The following EYS variants were observed in gnomAD, a reference collection of about 807,000 sequenced individuals.
The protein encoded by EYS is protein eyes shut homolog.
EYS carries 250 observed loss-of-function variants against 282.1 expected under a neutral mutation model. The observed-to-expected ratio is 0.89, with a 90% CI of 0.80 to 0.98. EYS has a LOEUF of 0.98. Ranked by LOEUF, EYS falls within the 50% of genes least tolerant of loss-of-function variation. EYS has a pLI of 0.00. For synonymous variants in EYS, 1,355 were observed against 1,282.9 expected (o/e 1.06, Z -1.20); for missense variants, 4,016 against 3,709.0 (o/e 1.08, Z -2.15).
intron 6 of EYS, among the ~76,000 whole-genome samples, chr6:65,404,030 A>C (rs537329148): frequency 6.6e-6 from 1 of 152,130 alleles, no homozygotes; most frequent in African/African-American, 2.4e-5. Flanking sequence ...TCCAGAGGTC[A>C]TAAGTCTGAA....
intron 22 of EYS, among the ~76,000 whole-genome samples, chr6:64,800,812 C>T (rs1400104811): frequency 6.6e-6 from 1 of 151,550 alleles, no homozygotes; most frequent in Non-Finnish European, 1.5e-5. Context: ...TGAAGTGTAG[C>T]TAAAATTTGA....
intron 11 of EYS, among the ~76,000 whole-genome samples, chr6:65,318,727 C>T (rs1433265546): frequency 2.5e-4 from 38 of 150,442 alleles, no homozygotes; most frequent in African/African-American, 9.0e-4. Flanking sequence ...TTGCAGCCTC[C>T]GCCTCCTGGG....
chr6:65,077,274 A>C (rs1774083922), intron 12 of EYS, among the ~76,000 whole-genome samples: 1 of 152,088 alleles, frequency 6.6e-6, no homozygotes, highest in Non-Finnish European at 1.5e-5. Flanking sequence ...CATGAGGTAC[A>C]TGTTTTTACT....
chr6:65,519,700 A>AT (rs1767278409), intron 2 of EYS, among the ~76,000 whole-genome samples: 1 of 36,448 alleles, frequency 2.7e-5, no homozygotes, highest in Non-Finnish European at 4.3e-5. Context: ...ATATATATAT[A>AT]TATATATATT....
At chr6:63,952,728 G>A (rs922456138) in intron 35 of EYS, among the ~76,000 whole-genome samples, 9 of 152,020 alleles carry the variant, frequency 5.9e-5, no homozygotes, top group Admixed American at 1.3e-4. Context: ...CCAGTTCAAA[G>A]CCTCCTTCAC....
At chr6:64,637,664 A>C (rs1339633281) in intron 22 of EYS, among the ~76,000 whole-genome samples, 1 of 90,332 alleles carries the variant, frequency 1.1e-5, no homozygotes, top group African/African-American at 4.2e-5. Context: ...AACTTACCTC[A>C]ATCTATCACC....
intron 31 of EYS, among the ~76,000 whole-genome samples, chr6:64,125,916 CTTT>C (rs111945672): frequency 0.011 from 1,504 of 140,720 alleles, 22 homozygotes; most frequent in African/African-American, 0.035. Flanking sequence ...CTATTCTCTT[CTTT>C]TTTTTTTTTT....
chr6:63,836,286 A>G (rs1158413044), intron 36 of EYS, among the ~76,000 whole-genome samples: 2 of 152,086 alleles, frequency 1.3e-5, no homozygotes, highest in Non-Finnish European at 2.9e-5. Flanking sequence ...GGTTTCTGGT[A>G]AAACAGAAAT....
At chr6:65,266,987 T>TAG (rs1243652825) in intron 12 of EYS, among the ~76,000 whole-genome samples, 30 of 119,578 alleles carry the variant, frequency 2.5e-4, no homozygotes, top group Non-Finnish European at 2.0e-4. Context: ...CATATATATA[T>TAG]ATAGAGAGAG....
At chr6:65,082,203 T>C (rs1341317725) in intron 12 of EYS, among the ~76,000 whole-genome samples, 1 of 152,074 alleles carries the variant, frequency 6.6e-6, no homozygotes, top group Non-Finnish European at 1.5e-5. Flanking sequence ...TAGTCAAGCA[T>C]AGTTAATAAT....
At chr6:64,987,254 C>A (rs1383451834) in intron 14 of EYS, among the ~76,000 whole-genome samples, 1 of 151,452 alleles carries the variant, frequency 6.6e-6, no homozygotes, top group Admixed American at 6.6e-5. Context: ...AGCTTCCATG[C>A]AGATAAGCAT....
intron 8 of EYS, among the ~76,000 whole-genome samples, chr6:65,364,526 T>A (rs897160554): frequency 1.3e-4 from 12 of 91,116 alleles, no homozygotes; most frequent in Non-Finnish European, 2.6e-4. Context: ...AGAGATCAAA[T>A]TGGACTATAT....
chr6:63,987,016 G>A (rs1462588939), intron 34 of EYS, among the ~76,000 whole-genome samples: 1 of 151,728 alleles, frequency 6.6e-6, no homozygotes, highest in Non-Finnish European at 1.5e-5. Context: ...AAGAGACTCT[G>A]TAAAATTAGG....
intron 14 of EYS, among the ~76,000 whole-genome samples, chr6:64,983,323 A>C (rs1770743967): frequency 6.6e-6 from 1 of 151,248 alleles, no homozygotes; most frequent in South Asian, 2.1e-4. Flanking sequence ...GAAGACATAA[A>C]AAAGATAGAT....
chr6:64,837,566 C>A (rs1765421901), intron 19 of EYS, among the ~76,000 whole-genome samples: 2 of 147,470 alleles, frequency 1.4e-5, no homozygotes, highest in African/African-American at 5.0e-5. Context: ...TTTCAGATGA[C>A]ATATATATAT....
Position 65,146,274 on chromosome 6 carries a change from C to A in EYS, c.2024-88547G>T, listed in dbSNP as rs187437506. On this transcript the variant is annotated intron_variant, in intron 12 of 42. Transcript: ENST00000503581. ...CCAAGGCCAAAGTTCAAAATCACCT[C>A]ATTAGGAAAGAAAATAACTGACATA... Among the ~76,000 whole-genome samples, 61 of 151,898 alleles carry A rather than the reference C, an allele frequency of 4.0e-4. No homozygotes were observed. The East Asian group carries it at 9.9e-3, about 25-fold the overall frequency.
intron 28 of EYS, chr6:64,400,534 A>T (rs1182079310): frequency 2.0e-5 from 3 of 152,058 alleles, no homozygotes; most frequent in Non-Finnish European, 4.4e-5. Context: ...CAAGAGGCAC[A>T]CTTTTTAACA....
chr6:63,986,027 C>T (rs1767345547), intron 34 of EYS, among the ~76,000 whole-genome samples: 1 of 151,770 alleles, frequency 6.6e-6, no homozygotes, highest in Non-Finnish European at 1.5e-5. Flanking sequence ...AACTATGCAT[C>T]TTACAAAGGT....
At chr6:65,075,613 T>A (rs190073511) in intron 12 of EYS, among the ~76,000 whole-genome samples, 1 of 152,048 alleles carries the variant, frequency 6.6e-6, no homozygotes, top group East Asian at 1.9e-4. Flanking sequence ...TCTTAAATAG[T>A]ATTGTATCAG....
Sources: allele counts gnomAD v4.1 joint callset (sites outside exome capture counted in the v4.1 genomes callset), GRCh38; gene constraint gnomAD v4.1.1; transcripts MANE v1.5; gene names NCBI Gene and HGNC (gene_info 2026-07-23, HGNC 2026-07-21).